Variants in ATRNL1 observed in about 807,000 individuals in gnomAD.
ATRNL1 encodes the protein attractin like 1.
Under a neutral mutation model 182.7 loss-of-function variants are expected in ATRNL1, and 95 were observed. The ratio of observed to expected loss-of-function variants is 0.52; its 90% CI spans 0.44 to 0.62. The LOEUF (loss-of-function observed/expected upper bound fraction) is 0.62, where lower values mean the gene tolerates loss of function less well. ATRNL1 is among the 20% of genes least tolerant of loss of function. The pLI, the probability that ATRNL1 is intolerant of heterozygous loss-of-function variation, is 0.00. For synonymous variants in ATRNL1, 576 were observed against 568.3 expected, an observed-to-expected ratio of 1.01 and a Z score of -0.19; for missense variants, 1,471 against 1,679.5, an observed-to-expected ratio of 0.88 and a Z score of 2.17.
chr10:115,916,400 C>A (rs184603886), intron 28 of ATRNL1, among the ~76,000 whole-genome samples: 1 of 152,312 alleles, frequency 6.6e-6, no homozygotes, highest in East Asian at 1.9e-4. Context: ...CCCTCAGAGA[C>A]CTTTTGTTTG....
At chr10:115,226,196 G>A (rs1216746099) in intron 9 of ATRNL1, among the ~76,000 whole-genome samples, 1 of 151,846 alleles carries the variant, frequency 6.6e-6, no homozygotes, top group Non-Finnish European at 1.5e-5. Flanking sequence ...TGGGCCAATT[G>A]GGTGTACAAT....
In ATRNL1 at chr10:115,461,863, T is replaced by C. The variant is rs535752677; in HGVS notation, c.3323-78T>C. Reference sequence around the variant, plus strand: ...AATCATTTTTAATATCAGTGTACAATATATTGTAACCTAAATTTTGCTTTT... The same window carrying C: ...AATCATTTTTAATATCAGTGTACAACATATTGTAACCTAAATTTTGCTTTT... On this transcript the variant is annotated intron_variant, in intron 21 of 28. Coordinates refer to ENST00000355044, the MANE Select transcript of ATRNL1 (RefSeq NM_207303.4). 3.8e-6 allele frequency: 3 copies of C among 791,894 alleles called. No homozygotes were observed. The East Asian group carries it at 7.8e-5, about 21-fold the overall frequency. 49.1% of individuals were successfully genotyped at this position (791,894 alleles called of 1,614,324 possible).
At chr10:115,232,544 CTT>C (rs1356904160) in intron 9 of ATRNL1, among the ~76,000 whole-genome samples, 1 of 152,082 alleles carries the variant, frequency 6.6e-6, no homozygotes, top group Non-Finnish European at 1.5e-5. Context: ...ATAAGCAAAA[CTT>C]ATTAATTTTA....
At chr10:115,377,132 T>A (rs975907107) in intron 19 of ATRNL1, among the ~76,000 whole-genome samples, 26 of 152,324 alleles carry the variant, frequency 1.7e-4, no homozygotes, top group African/African-American at 5.8e-4. Context: ...TTTATTTAAT[T>A]GTTGGTATGG....
rs188327123 is a variant in ATRNL1 at position 115,681,569 on chromosome 10, G to T, written c.3796-45679G>T. Among the ~76,000 whole-genome samples the T allele has an allele frequency of 1.3e-4, 20 of 152,220 alleles. No homozygotes were observed. The East Asian group carries it at 3.7e-3, about 28-fold the overall frequency. On this transcript the variant is annotated intron_variant, in intron 26 of 28. Coordinates refer to ENST00000355044, the MANE Select transcript of ATRNL1 (RefSeq NM_207303.4). Reference sequence around the variant, plus strand: ...ACTGTATACTAGTATCCTTCCGTTTGATAGAAGGTTGTGTTTTTATTAGAT... The same window carrying T: ...ACTGTATACTAGTATCCTTCCGTTTTATAGAAGGTTGTGTTTTTATTAGAT...
intron 27 of ATRNL1, among the ~76,000 whole-genome samples, chr10:115,735,184 G>A (rs2532715): frequency 0.94 from 143,801 of 152,296 alleles, 68,419 homozygotes; most frequent in East Asian, 1. Context: ...TTCCTGCTCT[G>A]TCTTTAAGTA....
chr10:115,348,647 C>T (rs978733242), intron 19 of ATRNL1, among the ~76,000 whole-genome samples: 3 of 152,036 alleles, frequency 2.0e-5, no homozygotes, highest in Non-Finnish European at 2.9e-5. Flanking sequence ...TCCATAAATA[C>T]TTATTGAATG....
intron 26 of ATRNL1, among the ~76,000 whole-genome samples, chr10:115,650,272 G>C (rs1766671480): frequency 6.6e-6 from 1 of 152,088 alleles, no homozygotes; most frequent in African/African-American, 2.4e-5. Flanking sequence ...TGAAATCTCA[G>C]CGTATGCAGA....
At chr10:115,185,184 G>A (rs1189804222) in intron 8 of ATRNL1, among the ~76,000 whole-genome samples, 1 of 151,928 alleles carries the variant, frequency 6.6e-6, no homozygotes, top group African/African-American at 2.4e-5. Flanking sequence ...TTAATACATA[G>A]ATGTAGATTC....
intron 19 of ATRNL1, among the ~76,000 whole-genome samples, chr10:115,368,212 G>A (rs1857171638): frequency 6.6e-6 from 1 of 152,224 alleles, no homozygotes; most frequent in South Asian, 2.1e-4. Context: ...GCCAGGTGCG[G>A]GATATAATCT....
At chr10:115,817,869 T>G in intron 27 of ATRNL1, among the ~76,000 whole-genome samples, 1 of 113,488 alleles carries the variant, frequency 8.8e-6, no homozygotes, top group Non-Finnish European at 1.8e-5. Context: ...GCTTTGATTT[T>G]ACGTTGTGTT....
At chr10:115,683,996 A>G (rs554024904) in intron 26 of ATRNL1, among the ~76,000 whole-genome samples, 1 of 151,876 alleles carries the variant, frequency 6.6e-6, no homozygotes, top group South Asian at 2.1e-4. Context: ...TCTGATACAC[A>G]TATTTTTATC....
intron 5 of ATRNL1, among the ~76,000 whole-genome samples, chr10:115,145,106 C>T (rs371773405): frequency 5.3e-5 from 8 of 152,020 alleles, no homozygotes; most frequent in South Asian, 2.1e-4. Flanking sequence ...TTGACAGTTA[C>T]GATTATTCAA....
intron 26 of ATRNL1, among the ~76,000 whole-genome samples, chr10:115,628,645 A>G (rs56231772): frequency 0.011 from 1,669 of 152,200 alleles, 30 homozygotes; most frequent in African/African-American, 0.038. Context: ...CTAAGAATTC[A>G]TTGCCAAATC....
At chr10:115,587,342 G>A (rs1238801419) in intron 26 of ATRNL1, among the ~76,000 whole-genome samples, 2 of 152,040 alleles carry the variant, frequency 1.3e-5, no homozygotes, top group Non-Finnish European at 1.5e-5. Context: ...GCAATGGCGG[G>A]CGCCCCTCCC....
At chr10:115,355,084 G>T (rs1345928543) in intron 19 of ATRNL1, among the ~76,000 whole-genome samples, 1 of 151,720 alleles carries the variant, frequency 6.6e-6, no homozygotes, top group Non-Finnish European at 1.5e-5. Context: ...CAAAACAGGT[G>T]TATTGAATTC....
chr10:115,903,266 A>G lies in ATRNL1; in HGVS notation c.4019-41392A>G, dbSNP rs116384838. ...TCAAACTGCTTTTTACCCTTTGAAA[A>G]TGTACTTCAAAAATACAAGCAGTCT... On this transcript the variant is annotated intron_variant, in intron 28 of 28. Coordinates refer to ENST00000355044, the MANE Select transcript of ATRNL1 (RefSeq NM_207303.4). Among the ~76,000 whole-genome samples the G allele has an allele frequency of 2.5e-3, 383 of 152,236 alleles. 1 individual carries two copies. The highest frequency in any genetic ancestry group is 8.7e-3 in the African/African-American group (360 of 41,544).
intron 26 of ATRNL1, among the ~76,000 whole-genome samples, chr10:115,704,874 T>G (rs1187680716): frequency 6.6e-6 from 1 of 151,994 alleles, no homozygotes; most frequent in East Asian, 1.9e-4. Flanking sequence ...CTTCTATCTC[T>G]TTCTCCTCCT....
At chr10:115,534,027 T>A (rs1335035797) in intron 25 of ATRNL1, among the ~76,000 whole-genome samples, 2 of 151,076 alleles carry the variant, frequency 1.3e-5, no homozygotes, top group Non-Finnish European at 3.0e-5. Context: ...CTTCCAAGTA[T>A]GTGGTCAATT....
Sources: allele counts gnomAD v4.1 joint callset (sites outside exome capture counted in the v4.1 genomes callset), GRCh38; gene constraint gnomAD v4.1.1; transcripts MANE v1.5; gene names NCBI Gene and HGNC (gene_info 2026-07-23, HGNC 2026-07-21).